The following NDUFA10 variants were observed in gnomAD, a reference collection of about 807,000 sequenced individuals.
NDUFA10 encodes NADH:ubiquinone oxidoreductase subunit A10.
Under a neutral mutation model 47.8 loss-of-function variants are expected in NDUFA10, and 40 were observed. The ratio of observed to expected loss-of-function variants is 0.84; its 90% CI spans 0.65 to 1.09. NDUFA10 has a LOEUF of 1.09. Ranked by LOEUF, NDUFA10 falls within the 50% of genes least tolerant of loss-of-function variation. The pLI is 0.00. For missense variants in NDUFA10, 413 were observed against 451.1 expected (o/e 0.92, Z 0.76); for synonymous variants, 183 against 172.2 (o/e 1.06, Z -0.49).
At chr2:239,901,975 T>C (rs1437477702) in intron 4 of NDUFA10, among the ~76,000 whole-genome samples, 1 of 152,054 alleles carries the variant, frequency 6.6e-6, no homozygotes, top group Non-Finnish European at 1.5e-5. Context: ...GAATGAGGAA[T>C]TGCTTCTTGT....
At chr2:239,969,382 C>T (rs1029185086) in intron 9 of NDUFA10, 6 of 234,696 alleles carry the variant, frequency 2.6e-5, no homozygotes, top group South Asian at 1.1e-4. Flanking sequence ...TGTGCTCTGC[C>T]GAGCTCCTAC....
In NDUFA10 at chr2:239,944,100, G is replaced by A. The variant is rs536400830; in HGVS notation, c.294+45974C>T. On this transcript the variant is annotated intron_variant, in intron 4 of 5. Coordinates refer to the NDUFA10 transcript ENST00000419408. Reference sequence around the variant, plus strand: ...GGTCCTCCTCCAGGTGCAGGGCACCGGTGCCCGCAAAATGAGCCACCCTGC... The same window carrying A: ...GGTCCTCCTCCAGGTGCAGGGCACCAGTGCCCGCAAAATGAGCCACCCTGC... Among the ~76,000 whole-genome samples, 233 of 152,292 alleles carry A rather than the reference G, an allele frequency of 1.5e-3. 2 individuals are homozygous for A. Among genetic ancestry groups the A allele is most frequent in the Middle Eastern group, 0.01 (3 of 294 alleles).
intron 5 of NDUFA10, among the ~76,000 whole-genome samples, chr2:239,893,332 CCAAT>C (rs1693331252): frequency 6.6e-6 from 1 of 152,104 alleles, no homozygotes; most frequent in Admixed American, 6.6e-5. Context: ...CACCTCTGAG[CCAAT>C]CAGAGAGCCT....
At chr2:239,974,159 C>T (rs1217545791) in intron 9 of NDUFA10, among the ~76,000 whole-genome samples, 2 of 152,074 alleles carry the variant, frequency 1.3e-5, no homozygotes, top group African/African-American at 4.8e-5. Flanking sequence ...CAACTCCTGA[C>T]CTCAAGTCAT....
intron 4 of NDUFA10, among the ~76,000 whole-genome samples, chr2:239,922,458 T>C (rs1304386707): frequency 6.6e-6 from 1 of 152,198 alleles, no homozygotes; most frequent in Non-Finnish European, 1.5e-5. Context: ...CCACCTTCCA[T>C]GACAGGTACA....
chr2:239,956,401 G>T (rs1032457125), downstream of NDUFA10, among the ~76,000 whole-genome samples: 1 of 152,182 alleles, frequency 6.6e-6, no homozygotes, highest in African/African-American at 2.4e-5. Context: ...TCCAAAGCGT[G>T]GGGCCTGAGC....
In NDUFA10 at chr2:239,959,072, A is replaced by G. The variant is rs1694740787; in HGVS notation, c.*2046T>C. The G allele has an allele frequency of 1.0e-6, 1 of 985,464 alleles. No homozygotes were observed. Among genetic ancestry groups the G allele is most frequent in the Non-Finnish European group, 1.2e-6 (1 of 829,942 alleles). The allele number at this position is 985,464 out of a possible 1,614,324, so 61.0% of individuals were successfully genotyped here. On this transcript the variant is annotated 3_prime_UTR_variant, in exon 10 of 10. Coordinates refer to ENST00000252711, the MANE Select transcript of NDUFA10 (RefSeq NM_004544.4). ...GAGAAGAATTGGACAGTGTTTATTCATCTTTCTCTGCTGAACATGCATGTC... is the reference window on the plus strand; with the variant it reads ...GAGAAGAATTGGACAGTGTTTATTCGTCTTTCTCTGCTGAACATGCATGTC...
At chr2:239,909,479 G>A (rs1693712184) in intron 4 of NDUFA10, among the ~76,000 whole-genome samples, 1 of 152,128 alleles carries the variant, frequency 6.6e-6, no homozygotes, top group Non-Finnish European at 1.5e-5. Flanking sequence ...CAGGCGTGGT[G>A]GCATGTGCCT....
chr2:239,952,034 G>T (rs1694563437), intron 4 of NDUFA10, among the ~76,000 whole-genome samples: 2 of 151,806 alleles, frequency 1.3e-5, no homozygotes, highest in Non-Finnish European at 2.9e-5. Flanking sequence ...GGGGCCAAAG[G>T]CTGCTGCCTG....
At chr2:240,010,321 C>T (rs1479214211) in intron 6 of NDUFA10, among the ~76,000 whole-genome samples, 2 of 152,086 alleles carry the variant, frequency 1.3e-5, no homozygotes, top group Non-Finnish European at 2.9e-5. Flanking sequence ...TGAGGCTTAA[C>T]GAGTCTATGA....
At position 239,965,579 on chromosome 2, in the gene NDUFA10, C is replaced by T. The variant is rs560577245; in HGVS notation, c.1000-4393G>A. Among the ~76,000 whole-genome samples the T allele has an allele frequency of 7.2e-5, 11 of 152,326 alleles. No individual in the cohort carries two copies. In the East Asian group the frequency reaches 1.2e-3, roughly 16 times the overall value. ...CGAGCCACGCTTTCCCGGATCTGCT[C>T]GTTCACGGTGCCCGGGTGCGTGACA... On this transcript the variant is annotated intron_variant, in intron 9 of 9. Coordinates refer to ENST00000252711, the MANE Select transcript of NDUFA10 (RefSeq NM_004544.4).
intron 4 of NDUFA10, among the ~76,000 whole-genome samples, chr2:239,896,293 A>G (rs1471778512): frequency 1.3e-5 from 2 of 152,240 alleles, no homozygotes; most frequent in Non-Finnish European, 2.9e-5. Flanking sequence ...CACAAGTTCA[A>G]AGGCAAAGGT....
At chr2:240,014,709 T>G (rs777787897) in intron 5 of NDUFA10, 30 bp downstream of exon 5, 1 of 1,614,094 alleles carries the variant, frequency 6.2e-7, no homozygotes, top group East Asian at 2.2e-5. Flanking sequence ...AAAATAGAGA[T>G]GCTTGGCCTT....
chr2:239,942,230 G>C (rs181317096), intron 4 of NDUFA10, among the ~76,000 whole-genome samples: 4 of 152,206 alleles, frequency 2.6e-5, no homozygotes, highest in Non-Finnish European at 4.4e-5. Flanking sequence ...CTTTCCTCTA[G>C]GGCAGCGGTG....
intron 9 of NDUFA10, among the ~76,000 whole-genome samples, chr2:239,984,831 C>T (rs1695931794): frequency 6.6e-6 from 1 of 152,242 alleles, no homozygotes; most frequent in Non-Finnish European, 1.5e-5. Flanking sequence ...AGCCGGGGGG[C>T]TGAGAAGCCC....
intron 6 of NDUFA10, among the ~76,000 whole-genome samples, chr2:240,009,344 G>C (rs1486864839): frequency 1.3e-5 from 2 of 152,160 alleles, no homozygotes; most frequent in African/African-American, 4.8e-5. Context: ...AGCAGTGTTG[G>C]AGCTGAGTAA....
At chr2:240,005,800 C>A (rs1257777466) in intron 7 of NDUFA10, among the ~76,000 whole-genome samples, 1 of 152,154 alleles carries the variant, frequency 6.6e-6, no homozygotes, top group Non-Finnish European at 1.5e-5. Flanking sequence ...CCTTGCCTAG[C>A]TAACACTCAG....
chr2:239,901,734 T>A (rs1350527186), intron 4 of NDUFA10, among the ~76,000 whole-genome samples: 1 of 151,528 alleles, frequency 6.6e-6, no homozygotes, highest in Non-Finnish European at 1.5e-5. Flanking sequence ...AAAGGCTTCG[T>A]CATTCTAGAT....
At chr2:239,932,425 T>C (rs1694190024) in intron 4 of NDUFA10, among the ~76,000 whole-genome samples, 1 of 152,194 alleles carries the variant, frequency 6.6e-6, no homozygotes, top group Non-Finnish European at 1.5e-5. Context: ...AGTAAAACAT[T>C]TCTGCGCTTT....
Sources: allele counts gnomAD v4.1 joint callset (sites outside exome capture counted in the v4.1 genomes callset), GRCh38; gene constraint gnomAD v4.1.1; transcripts MANE v1.5; gene names NCBI Gene and HGNC (gene_info 2026-07-23, HGNC 2026-07-21).